The following ZNF12 variants were observed in gnomAD, a reference collection of about 807,000 sequenced individuals.
ZNF12 encodes the protein gonadotropin inducible transcription repressor 3.
Under a neutral mutation model 66.6 loss-of-function variants are expected in ZNF12, and 34 were observed. That is an observed-to-expected ratio of 0.51 (90% CI 0.39 to 0.68). The LOEUF (loss-of-function observed/expected upper bound fraction) is 0.68, where lower values mean the gene tolerates loss of function less well. Among genes scored for constraint, ZNF12 ranks in the 30% least tolerant of loss-of-function variants. The probability of loss-of-function intolerance (pLI) is 0.00; values close to 1 mark genes in which losing one functional copy is unlikely to be tolerated. For synonymous variants in ZNF12, 320 were observed against 278.9 expected, an observed-to-expected ratio of 1.15 and a Z score of -1.47; for missense variants, 697 against 826.9, an observed-to-expected ratio of 0.84 and a Z score of 1.93.
intron 4 of ZNF12, among the ~76,000 whole-genome samples, chr7:6,694,671 C>T (rs547305754): frequency 2.0e-5 from 3 of 152,280 alleles, no homozygotes; most frequent in East Asian, 1.9e-4. Context: ...CAGCACATTT[C>T]ACCTACAGTC....
In ZNF12 at chr7:6,705,077, T is replaced by C; in HGVS notation, c.15+82A>G. ...CTTGTATCTATTTCTACTTTCCCATTTTAAACTTTGAACCCTTAATCTCCT... is the reference window on the plus strand; with the variant it reads ...CTTGTATCTATTTCTACTTTCCCATCTTAAACTTTGAACCCTTAATCTCCT... On this transcript the variant is annotated intron_variant, in intron 2 of 4. Coordinates refer to ENST00000405858, the MANE Select transcript of ZNF12 (RefSeq NM_016265.4). This position sits in a 1 kb window ranked among gnomAD's most constrained non-coding sequence, Gnocchi z 4.0. The C allele has an allele frequency of 2.7e-6, 4 of 1,506,954 alleles. No homozygotes were observed. Among genetic ancestry groups the C allele is most frequent in the Non-Finnish European group, 2.7e-6 (3 of 1,113,472 alleles). 93.3% of individuals were successfully genotyped at this position (1,506,954 alleles called of 1,614,324 possible). A position where few individuals can be genotyped will look rare whatever the true frequency, so the allele number is the denominator to read the frequency against.
rs755974985 is a variant in ZNF12 at position 6,691,252 on chromosome 7, G to A, written c.1690C>T (p.Leu564Phe). The change falls in exon 5 of 5, where the codon CTC (leucine) becomes TTC (phenylalanine). Residue 564 changes from leucine to phenylalanine, a missense_variant. This residue lies in a region of ZNF12 where 401 missense variants were observed against 519.0 expected (regional missense o/e 0.77). Coordinates refer to ENST00000405858, the MANE Select transcript of ZNF12 (RefSeq NM_016265.4). ...GAATGAATTCTATGATGTATAGTGAGGTATGACATCTGAGAGAAGAATTTT... is the reference window on the plus strand; with the variant it reads ...GAATGAATTCTATGATGTATAGTGAAGTATGACATCTGAGAGAAGAATTTT... ...CGKFFSQMSYLTIHHRIHSGE... is the reference protein window; with the variant it reads ...CGKFFSQMSYFTIHHRIHSGE... 1 of 1,614,076 alleles carries A rather than the reference G, an allele frequency of 6.2e-7. No homozygotes were observed. Among genetic ancestry groups the A allele is most frequent in the Non-Finnish European group, 8.5e-7 (1 of 1,179,998 alleles).
At chr7:6,703,270 C>T (rs930222495) in intron 2 of ZNF12, among the ~76,000 whole-genome samples, 2 of 152,184 alleles carry the variant, frequency 1.3e-5, no homozygotes, top group African/African-American at 4.8e-5. Flanking sequence ...ATATGATGAA[C>T]ACTTCAGGAG....
chr7:6,697,329 A>G lies in ZNF12; in HGVS notation c.238+10T>C, dbSNP rs375894226. 24 of 1,598,318 alleles carry G rather than the reference A, an allele frequency of 1.5e-5. No individual in the cohort carries two copies. Among genetic ancestry groups the G allele is most frequent in the Non-Finnish European group, 2.0e-5 (24 of 1,171,478 alleles). Reference sequence around the variant, plus strand: ...AGTTACCGATCTCCTCACTGCCTCCACTAACACACCTGGATAGCTCTGAAG... The same window carrying G: ...AGTTACCGATCTCCTCACTGCCTCCGCTAACACACCTGGATAGCTCTGAAG... On this transcript the variant is annotated intron_variant, in intron 4 of 4. Transcript: ENST00000405858. The surrounding 1 kb of genome is among the most constrained non-coding windows in gnomAD (Gnocchi z 6.1).
At chr7:6,693,406 G>C (rs990158801) in intron 4 of ZNF12, among the ~76,000 whole-genome samples, 5 of 152,178 alleles carry the variant, frequency 3.3e-5, no homozygotes, top group Non-Finnish European at 7.4e-5. Context: ...TATCCTACAG[G>C]AAATATAAAA....
Position 6,692,666 on chromosome 7 carries a change from G to T in ZNF12, c.276C>A (p.Ile92=). 6.2e-7 allele frequency: 1 copy of T among 1,607,672 alleles called. No homozygotes were observed. The highest frequency in any genetic ancestry group is 1.1e-5 in the South Asian group (1 of 89,304). The change falls in exon 5 of 5, where the codon ATC becomes ATA. Residue 92 remains isoleucine (I), a synonymous_variant. Transcript: ENST00000405858. This position sits in a 1 kb window ranked among gnomAD's most constrained non-coding sequence, Gnocchi z 5.1. ...VWQTDDLIER[I]QEEENKPSRQ... ...TTGAAGGTTTATTTTCCTCTTCCTG[G>T]ATTCTCTCTATTAGGTCATCAGTTT...
intron 2 of ZNF12, among the ~76,000 whole-genome samples, chr7:6,700,304 T>TACACACACAC (rs71539972): frequency 0.033 from 4,272 of 128,722 alleles, 71 homozygotes; most frequent in Non-Finnish European, 0.038. Context: ...AAAAAAAATA[T>TACACACACAC]ACACACACAC....
Position 6,692,774 on chromosome 7 carries a change from G to C in ZNF12, c.239-71C>G. 7.0e-7 allele frequency: 1 copy of C among 1,424,482 alleles called. No individual in the cohort carries two copies. The highest frequency in any genetic ancestry group is 9.4e-7 in the Non-Finnish European group (1 of 1,061,596). 88.2% of individuals were successfully genotyped at this position (1,424,482 alleles called of 1,614,324 possible). On this transcript the variant is annotated intron_variant, in intron 4 of 4. Transcript: ENST00000405858. This position sits in a 1 kb window ranked among gnomAD's most constrained non-coding sequence, Gnocchi z 5.1. ...ATATATGATATGGAATGAGATTCAT[G>C]ATTTGTACACACGCATCTCATTGTG...
At chr7:6,700,092 T>C (rs1780210309) in intron 2 of ZNF12, among the ~76,000 whole-genome samples, 1 of 151,804 alleles carries the variant, frequency 6.6e-6, no homozygotes. Context: ...GAGACCATCC[T>C]GGCTAACACA....
chr7:6,696,725 G>C lies in ZNF12; in HGVS notation c.238+614C>G, dbSNP rs1780160572. 1.3e-5 allele frequency among the ~76,000 whole-genome samples: 2 copies of C among 152,254 alleles called. No individual in the cohort carries two copies. The highest frequency in any genetic ancestry group is 3.9e-4 in the East Asian group (2 of 5,176). On this transcript the variant is annotated intron_variant, in intron 4 of 4. Coordinates refer to ENST00000405858, the MANE Select transcript of ZNF12 (RefSeq NM_016265.4). The surrounding 1 kb of genome is among the most constrained non-coding windows in gnomAD (Gnocchi z 4.0). ...GCATTGGGAACAGAACAGAAAATAA[G>C]AAACAAGATGAAAACGAGCATTTGG...
chr7:6,699,638 C>T (rs1432654479), intron 2 of ZNF12, among the ~76,000 whole-genome samples: 2 of 152,186 alleles, frequency 1.3e-5, no homozygotes, highest in South Asian at 2.1e-4. Flanking sequence ...TATGGCATTG[C>T]CCTGCCTTGC....
intron 2 of ZNF12, among the ~76,000 whole-genome samples, chr7:6,702,148 T>C (rs1780254942): frequency 6.6e-6 from 1 of 152,052 alleles, no homozygotes; most frequent in Non-Finnish European, 1.5e-5. Flanking sequence ...TTTGACACAG[T>C]TGATCACCTG....
Position 6,705,717 on chromosome 7 carries a change from C to CAA in ZNF12, c.-50-496_-50-495dup, listed in dbSNP as rs71978935. 5.5e-4 allele frequency among the ~76,000 whole-genome samples: 81 copies of CAA among 148,610 alleles called. 2 individuals carry two copies. The highest frequency in any genetic ancestry group is 3.4e-3 in the Middle Eastern group (1 of 292). On this transcript the variant is annotated intron_variant, in intron 1 of 4. Coordinates refer to ENST00000405858, the MANE Select transcript of ZNF12 (RefSeq NM_016265.4). This position sits in a 1 kb window ranked among gnomAD's most constrained non-coding sequence, Gnocchi z 4.0. ...CTGGGCAACAAAGCGAAACTTGTCT[C>CAA]AAAAACAAACAAACAAACAAACAAA...
Position 6,691,659 on chromosome 7 carries a change from A to C in ZNF12, c.1283T>G (p.Leu428Arg), listed in dbSNP as rs1562598067. 2 of 1,610,674 alleles carry C rather than the reference A, an allele frequency of 1.2e-6. No individual in the cohort carries two copies. The highest frequency in any genetic ancestry group is 2.2e-5 in the East Asian group (1 of 44,514). Reference protein sequence around the residue: ...FCRKSTLTTHLRTHTGEKPYE... With the variant: ...FCRKSTLTTHRRTHTGEKPYE... Reference sequence around the variant, plus strand: ...CGGTTTCTCTCCTGTGTGGGTCCTCAGGTGGGTCGTGAGAGTAGACTTGCG... The same window carrying C: ...CGGTTTCTCTCCTGTGTGGGTCCTCCGGTGGGTCGTGAGAGTAGACTTGCG... Residue 428 changes from leucine to arginine, a missense_variant, in exon 5 of 5, where the codon CTG becomes CGG. Leu to Arg is a moderately radical substitution (Grantham distance 102). Around this residue, in one of 3 missense-constraint regions of ZNF12, gnomAD observed 401 missense variants for 519.0 expected, o/e 0.77. Coordinates refer to ENST00000405858, the MANE Select transcript of ZNF12 (RefSeq NM_016265.4).
chr7:6,697,837 G>C lies in ZNF12; in HGVS notation c.16-26C>G, dbSNP rs749988005. 1 of 1,613,930 alleles carries C rather than the reference G, an allele frequency of 6.2e-7. No individual in the cohort carries two copies. Among genetic ancestry groups the C allele is most frequent in the East Asian group, 2.2e-5 (1 of 44,870 alleles). On this transcript the variant is annotated intron_variant, in intron 2 of 4. Coordinates refer to ENST00000405858, the MANE Select transcript of ZNF12 (RefSeq NM_016265.4). The surrounding 1 kb of genome is among the most constrained non-coding windows in gnomAD (Gnocchi z 6.1). ...CTGAAATGGCACCGTGATTGGAATT[G>C]GGTGACGTGAAATAGGCACATAGGT...
intron 4 of ZNF12, among the ~76,000 whole-genome samples, chr7:6,694,175 AAAC>A (rs1383992389): frequency 7.3e-5 from 11 of 151,640 alleles, no homozygotes; most frequent in Admixed American, 7.2e-4. Flanking sequence ...TCAAAAAAAA[AAAC>A]AAAACAAACA....
chr7:6,690,246 G>GT lies in ZNF12; in HGVS notation c.*601dup, dbSNP rs1204804043. ...ATGAATTACAAAATAAGGATACAACGTTTTTTCAAACATGATTCGAAGTGA... is the reference window on the plus strand; with the variant it reads ...ATGAATTACAAAATAAGGATACAACGTTTTTTTCAAACATGATTCGAAGTGA... On this transcript the variant is annotated 3_prime_UTR_variant, in exon 5 of 5. Coordinates refer to ENST00000405858, the MANE Select transcript of ZNF12 (RefSeq NM_016265.4). The GT allele has an allele frequency of 6.6e-6, 1 of 152,064 alleles. No homozygotes were observed. Among genetic ancestry groups the GT allele is most frequent in the African/African-American group, 2.4e-5 (1 of 41,392 alleles). The allele number at this position is 152,064 out of a possible 1,614,324, so 9.4% of individuals were successfully genotyped here.
chr7:6,698,111 G>T lies in ZNF12; in HGVS notation c.16-300C>A. On this transcript the variant is annotated intron_variant, in intron 2 of 4. Coordinates refer to ENST00000405858, the MANE Select transcript of ZNF12 (RefSeq NM_016265.4). This position sits in a 1 kb window ranked among gnomAD's most constrained non-coding sequence, Gnocchi z 4.4. ...CGAATCTCACCCCTGAGGAGCACAG[G>T]CCTGGGGACACTCACAGAACCCCAG... 1 of 572,126 alleles carries T rather than the reference G, an allele frequency of 1.7e-6. No individual in the cohort carries two copies. 35.4% of individuals were successfully genotyped at this position (572,126 alleles called of 1,614,324 possible).
At chr7:6,694,117 AGATTGTGTCACTGCACCCCAGCCTGGGT>A (rs533666972) in intron 4 of ZNF12, among the ~76,000 whole-genome samples, 3,386 of 151,968 alleles carry the variant, frequency 0.022, 60 homozygotes, top group Middle Eastern at 0.048. Context: ...CAGTGAGCCG[AGATTGTGTCACTGCACCCCAGCCTGGGT>A]GACAGAGTGA....
Sources: allele counts gnomAD v4.1 joint callset (sites outside exome capture counted in the v4.1 genomes callset), GRCh38; gene constraint gnomAD v4.1.1; regional missense constraint gnomAD v4.1.1; non-coding constraint Gnocchi (gnomAD v3.1); transcripts MANE v1.5; gene names NCBI Gene and HGNC (gene_info 2026-07-23, HGNC 2026-07-21).